Variants in SLC49A4 observed in about 807,000 individuals in gnomAD.
SLC49A4 encodes the protein solute carrier family 49 member 4.
Under a neutral mutation model 50.6 loss-of-function variants are expected in SLC49A4, and 36 were observed. The ratio of observed to expected loss-of-function variants is 0.71; its 90% CI spans 0.55 to 0.94. The LOEUF (loss-of-function observed/expected upper bound fraction) is 0.94, where lower values mean the gene tolerates loss of function less well. SLC49A4 is among the 40% of genes least tolerant of loss of function. SLC49A4 has a pLI of 0.00. For synonymous variants in SLC49A4, 248 were observed against 241.2 expected (o/e 1.03, Z -0.26); for missense variants, 503 against 605.7 (o/e 0.83, Z 1.78).
In SLC49A4 at chr3:122,879,274, T is replaced by G. The variant is rs775198908; in HGVS notation, c.1333T>G (p.Phe445Val). 1 of 1,613,954 alleles carries G rather than the reference T, an allele frequency of 6.2e-7. No homozygotes were observed. The highest frequency in any genetic ancestry group is 2.2e-5 in the East Asian group (1 of 44,868). The stretch of plus-strand genomic sequence containing the variant: ...TTTTTGTCTTACAGAGTTGTCTTGG[T>G]TCAACTGGTGCCTTCCCGGGTCGTG... Reference protein sequence around the residue: ...LTFYHTELSWFNWCLPGSCLL... With the variant: ...LTFYHTELSWVNWCLPGSCLL... Residue 445 changes from phenylalanine to valine, a missense_variant, in exon 9 of 9, where the codon TTC becomes GTC. Coordinates refer to ENST00000261038, the MANE Select transcript of SLC49A4 (RefSeq NM_032839.3).
At chr3:122,853,556 C>T (rs910731408) in intron 5 of SLC49A4, among the ~76,000 whole-genome samples, 1 of 152,004 alleles carries the variant, frequency 6.6e-6, no homozygotes, top group Admixed American at 6.6e-5. Context: ...CTCAGGAATT[C>T]GAGACTAGCC....
At chr3:122,862,956 C>T (rs1046266585) in intron 7 of SLC49A4, among the ~76,000 whole-genome samples, 2 of 151,980 alleles carry the variant, frequency 1.3e-5, no homozygotes, top group South Asian at 2.1e-4. Context: ...GTGATTGACC[C>T]TAGTCAAGAC....
chr3:122,844,043 A>G (rs1167454203), intron 4 of SLC49A4, among the ~76,000 whole-genome samples: 1 of 152,190 alleles, frequency 6.6e-6, no homozygotes, highest in African/African-American at 2.4e-5. Flanking sequence ...TGACATCCTC[A>G]TGCACGTCAC....
chr3:122,879,706 T>C lies in SLC49A4; in HGVS notation c.*328T>C, dbSNP rs1185489246. 1.1e-5 allele frequency: 2 copies of C among 181,586 alleles called. No individual in the cohort carries two copies. Among genetic ancestry groups the C allele is most frequent in the Non-Finnish European group, 2.3e-5 (2 of 87,722 alleles). 11.2% of individuals were successfully genotyped at this position (181,586 alleles called of 1,614,324 possible). A position where few individuals can be genotyped will look rare whatever the true frequency, so the allele number is the denominator to read the frequency against. Reference sequence around the variant, plus strand: ...CCAGTGCTAAACTACTGATTACTTGTAATTATGAAAAGAAATAAAGGGTGT... The same window carrying C: ...CCAGTGCTAAACTACTGATTACTTGCAATTATGAAAAGAAATAAAGGGTGT... On this transcript the variant is annotated 3_prime_UTR_variant, in exon 9 of 9. Coordinates refer to ENST00000261038, the MANE Select transcript of SLC49A4 (RefSeq NM_032839.3).
chr3:122,795,249 C>A lies in SLC49A4; in HGVS notation c.57C>A (p.Leu19=). The A allele has an allele frequency of 7.4e-7, 1 of 1,347,606 alleles. No homozygotes were observed. Among genetic ancestry groups the A allele is most frequent in the South Asian group, 2.0e-5 (1 of 51,098 alleles). 83.5% of individuals were successfully genotyped at this position (1,347,606 alleles called of 1,614,324 possible). Residue 19 remains leucine (L), a synonymous_variant, in exon 1 of 9, where the codon CTC becomes CTA. Coordinates refer to ENST00000261038, the MANE Select transcript of SLC49A4 (RefSeq NM_032839.3). ...GGCAGCCGCTGCTGGGGCCCGGGCTCGGGCCTGGGCTGGGGGCCTCCTGGA... is the reference window on the plus strand; with the variant it reads ...GGCAGCCGCTGCTGGGGCCCGGGCTAGGGCCTGGGCTGGGGGCCTCCTGGA... ...EERQPLLGPG[L]GPGLGASWRS... is the part of the protein sequence containing the mutation.
chr3:122,854,149 A>G (rs1054798704), intron 5 of SLC49A4, among the ~76,000 whole-genome samples: 1 of 152,196 alleles, frequency 6.6e-6, no homozygotes, highest in Non-Finnish European at 1.5e-5. Context: ...GATGTGCTGC[A>G]ATGAGAGGAG....
intron 3 of SLC49A4, among the ~76,000 whole-genome samples, chr3:122,828,563 C>T (rs1033488033): frequency 1.3e-5 from 2 of 152,168 alleles, no homozygotes; most frequent in South Asian, 2.1e-4. Context: ...GCAAGCCCCA[C>T]GCAAACCTTC....
chr3:122,858,167 C>T (rs1576308539), intron 6 of SLC49A4, among the ~76,000 whole-genome samples: 1 of 152,196 alleles, frequency 6.6e-6, no homozygotes, highest in Admixed American at 6.5e-5. Flanking sequence ...ATTAAAGATA[C>T]TTCTTCGTCC....
chr3:122,867,337 AC>A (rs1937132797), intron 7 of SLC49A4, among the ~76,000 whole-genome samples: 3 of 152,174 alleles, frequency 2.0e-5, no homozygotes, highest in African/African-American at 7.2e-5. Flanking sequence ...TCACTGTGAC[AC>A]AGTGAATTGG....
At chr3:122,819,163 T>G (rs981817430) in intron 2 of SLC49A4, among the ~76,000 whole-genome samples, 3 of 149,290 alleles carry the variant, frequency 2.0e-5, no homozygotes, top group African/African-American at 7.4e-5. Context: ...GAGGATCACT[T>G]GAGCCCAGAG....
chr3:122,841,165 A>G (rs566630969), intron 4 of SLC49A4, among the ~76,000 whole-genome samples: 90 of 152,364 alleles, frequency 5.9e-4, no homozygotes, highest in African/African-American at 2.2e-3. Flanking sequence ...ATCTGAAAAG[A>G]AACGTCTATA....
At chr3:122,834,168 C>G (rs1936643815) in intron 4 of SLC49A4, among the ~76,000 whole-genome samples, 1 of 152,112 alleles carries the variant, frequency 6.6e-6, no homozygotes, top group Non-Finnish European at 1.5e-5. Flanking sequence ...CAACAACTCT[C>G]TCTAAATTGG....
At chr3:122,837,885 A>G (rs907479741) in intron 4 of SLC49A4, among the ~76,000 whole-genome samples, 1 of 152,238 alleles carries the variant, frequency 6.6e-6, no homozygotes, top group Non-Finnish European at 1.5e-5. Flanking sequence ...ACCCCATCAA[A>G]AAGTGGGCAA....
intron 2 of SLC49A4, among the ~76,000 whole-genome samples, chr3:122,820,563 A>G (rs986466628): frequency 2.0e-5 from 3 of 152,250 alleles, no homozygotes; most frequent in Admixed American, 6.5e-5. Context: ...TAAAATGTCA[A>G]CTACATTAGA....
chr3:122,845,887 C>T lies in SLC49A4; in HGVS notation c.942+16C>T, dbSNP rs1192613301. 3 of 1,551,744 alleles carry T rather than the reference C, an allele frequency of 1.9e-6. No homozygotes were observed. The Admixed American group carries it at 5.4e-5, about 28-fold the overall frequency. Reference sequence around the variant, plus strand: ...TGTCAGCCAAGTAAGTATTTTATTTCTTTATATGTTGTAGGTATTTTTGTT... The same window carrying T: ...TGTCAGCCAAGTAAGTATTTTATTTTTTTATATGTTGTAGGTATTTTTGTT... On this transcript the variant is annotated intron_variant, in intron 5 of 8. Coordinates refer to ENST00000261038, the MANE Select transcript of SLC49A4 (RefSeq NM_032839.3).
chr3:122,873,908 C>T (rs1008153364), intron 8 of SLC49A4, among the ~76,000 whole-genome samples: 1 of 152,190 alleles, frequency 6.6e-6, no homozygotes, highest in Non-Finnish European at 1.5e-5. Context: ...GGTAAAGCAT[C>T]GGAGATGGCT....
intron 2 of SLC49A4, among the ~76,000 whole-genome samples, chr3:122,822,730 C>T (rs1426589151): frequency 6.6e-6 from 1 of 152,180 alleles, no homozygotes; most frequent in Non-Finnish European, 1.5e-5. Context: ...TCTCAATCAT[C>T]TTGCTCGACT....
At chr3:122,846,713 A>G (rs116581126) in intron 5 of SLC49A4, among the ~76,000 whole-genome samples, 1,882 of 152,344 alleles carry the variant, frequency 0.012, 50 homozygotes, top group South Asian at 0.064. Context: ...TTTTCACTTT[A>G]GACATGCTGA....
In SLC49A4 at chr3:122,830,291, TTTG is replaced by T. The variant is rs60391650; in HGVS notation, c.704-3022_704-3020del. 2.7e-3 allele frequency among the ~76,000 whole-genome samples: 411 copies of T among 152,338 alleles called. 11 individuals carry two copies. The East Asian group carries it at 0.064, about 24-fold the overall frequency. On this transcript the variant is annotated intron_variant, in intron 3 of 8. Coordinates refer to ENST00000261038, the MANE Select transcript of SLC49A4 (RefSeq NM_032839.3). ...AATCCCTTTAAAAATCCCAGCTGCC[TTTG>T]TTGCAGAAATCGACAAGGCGATCCT... is the stretch of plus-strand genomic sequence containing the variant.
Sources: allele counts gnomAD v4.1 joint callset (sites outside exome capture counted in the v4.1 genomes callset), GRCh38; gene constraint gnomAD v4.1.1; transcripts MANE v1.5; gene names NCBI Gene and HGNC (gene_info 2026-07-23, HGNC 2026-07-21).